PCDH15: variants seen among roughly 807,000 people sequenced by gnomAD.
PCDH15 encodes protocadherin-15.
PCDH15 carries 129 observed loss-of-function variants against 178.5 expected under a neutral mutation model. That is an observed-to-expected ratio of 0.72 (90% CI 0.63 to 0.84). PCDH15 has a LOEUF of 0.84. Ranked by LOEUF, PCDH15 falls within the 40% of genes least tolerant of loss-of-function variation. The probability of loss-of-function intolerance (pLI) is 0.00; values close to 1 mark genes in which losing one functional copy is unlikely to be tolerated. For missense variants in PCDH15, 2,230 were observed against 2,099.9 expected (o/e 1.06, Z -1.21); for synonymous variants, 800 against 732.0 (o/e 1.09, Z -1.50).
chr10:54,492,258 C>T (rs1217792491), intron 3 of PCDH15, among the ~76,000 whole-genome samples: 1 of 152,110 alleles, frequency 6.6e-6, no homozygotes, highest in East Asian at 1.9e-4. Flanking sequence ...ATACAAAGAC[C>T]TGTACCACTC....
At chr10:54,813,598 A>G (rs1409313494) in intron 3 of PCDH15, among the ~76,000 whole-genome samples, 1 of 152,126 alleles carries the variant, frequency 6.6e-6, no homozygotes, top group Non-Finnish European at 1.5e-5. Flanking sequence ...AATACAGTTA[A>G]TCATACCTCA....
chr10:55,093,242 T>C (rs1842359714), intron 2 of PCDH15, among the ~76,000 whole-genome samples: 1 of 152,132 alleles, frequency 6.6e-6, no homozygotes, highest in African/African-American at 2.4e-5. Context: ...GGGTATCATG[T>C]AATTTATGTG....
intron 3 of PCDH15, among the ~76,000 whole-genome samples, chr10:54,845,120 T>C (rs1255199485): frequency 6.6e-6 from 1 of 151,388 alleles, no homozygotes; most frequent in Non-Finnish European, 1.5e-5. Flanking sequence ...AAAGCCTTTT[T>C]TTCTTTTTTC....
chr10:55,308,524 T>C (rs1843490002), intron 1 of PCDH15, among the ~76,000 whole-genome samples: 3 of 152,222 alleles, frequency 2.0e-5, no homozygotes, highest in Admixed American at 1.3e-4. Flanking sequence ...AAGCACATTC[T>C]ATCTGAAATC....
intron 2 of PCDH15, among the ~76,000 whole-genome samples, chr10:55,612,025 G>A (rs1405163716): frequency 2.0e-5 from 3 of 151,932 alleles, no homozygotes; most frequent in African/African-American, 4.8e-5. Context: ...GGAGGAGGCG[G>A]GATAGACAGA....
At chr10:54,825,683 T>C (rs1953119717) in intron 3 of PCDH15, among the ~76,000 whole-genome samples, 2 of 152,050 alleles carry the variant, frequency 1.3e-5, no homozygotes, top group African/African-American at 4.8e-5. Context: ...TTTTGAGAAG[T>C]GTCTGTTCAT....
intron 3 of PCDH15, among the ~76,000 whole-genome samples, chr10:54,479,301 T>C (rs1262856791): frequency 4.6e-5 from 7 of 152,010 alleles, no homozygotes; most frequent in Non-Finnish European, 1.0e-4. Context: ...ATTTTATTAG[T>C]CCTTTAGTGA....
chr10:54,391,827 G>A (rs537720135), intron 3 of PCDH15, among the ~76,000 whole-genome samples: 7 of 152,222 alleles, frequency 4.6e-5, no homozygotes, highest in Non-Finnish European at 7.4e-5. Flanking sequence ...GATGTAAAAG[G>A]CAAACAGATG....
At chr10:54,631,849 TA>T (rs1437052392) in intron 2 of PCDH15, among the ~76,000 whole-genome samples, 1 of 152,032 alleles carries the variant, frequency 6.6e-6, no homozygotes, top group Admixed American at 6.6e-5. Context: ...CATACACTTA[TA>T]AAACCATCAG....
At chr10:53,823,549 A>AGTT (rs2076460120) in intron 32 of PCDH15, 2 of 712,154 alleles carry the variant, frequency 2.8e-6, no homozygotes. Flanking sequence ...AAAATCTTAG[A>AGTT]GTTGTGAGAA....
At chr10:55,461,774 A>G (rs1839684185) in intron 2 of PCDH15, among the ~76,000 whole-genome samples, 1 of 152,130 alleles carries the variant, frequency 6.6e-6, no homozygotes, top group Admixed American at 6.6e-5. Flanking sequence ...AATGGCTTCT[A>G]GGACTTATTT....
intron 1 of PCDH15, among the ~76,000 whole-genome samples, chr10:54,718,452 A>G (rs2095507477): frequency 6.6e-6 from 1 of 152,038 alleles, no homozygotes; most frequent in East Asian, 1.9e-4. Context: ...GCTATATGTA[A>G]CCAAAGAACT....
intron 2 of PCDH15, among the ~76,000 whole-genome samples, chr10:55,591,953 AGACATT>A (rs553784859): frequency 2.6e-5 from 4 of 152,160 alleles, no homozygotes; most frequent in Non-Finnish European, 5.9e-5. Flanking sequence ...TTGTTTTCAT[AGACATT>A]GAGTTCTATA....
At chr10:54,654,226 T>C (rs1418297375) in intron 2 of PCDH15, among the ~76,000 whole-genome samples, 1 of 152,222 alleles carries the variant, frequency 6.6e-6, no homozygotes, top group Non-Finnish European at 1.5e-5. Flanking sequence ...TAGAGAAAGC[T>C]GACAGTTACA....
chr10:54,309,351 ACAC>A (rs1462716007), intron 8 of PCDH15, among the ~76,000 whole-genome samples: 3 of 150,036 alleles, frequency 2.0e-5, no homozygotes, highest in Non-Finnish European at 4.4e-5. Context: ...ACACACACAC[ACAC>A]ACTTCACATA....
chr10:54,011,737 T>A (rs961764838), intron 20 of PCDH15, among the ~76,000 whole-genome samples: 2 of 152,170 alleles, frequency 1.3e-5, no homozygotes, highest in Non-Finnish European at 2.9e-5. Context: ...CAGTTACAAA[T>A]AAAGGTCATG....
chr10:54,719,545 T>A (rs2095520172), intron 1 of PCDH15, among the ~76,000 whole-genome samples: 1 of 152,036 alleles, frequency 6.6e-6, no homozygotes, highest in Non-Finnish European at 1.5e-5. Context: ...AGTTCTGGGA[T>A]ACGAGTGCAG....
intron 20 of PCDH15, among the ~76,000 whole-genome samples, chr10:54,013,267 C>T (rs564449945): frequency 6.6e-6 from 1 of 152,250 alleles, no homozygotes; most frequent in African/African-American, 2.4e-5. Context: ...AAAGCAAGTT[C>T]TTACAGACCT....
chr10:55,116,709 A>G (rs1837636347), intron 2 of PCDH15, among the ~76,000 whole-genome samples: 3 of 152,240 alleles, frequency 2.0e-5, no homozygotes, highest in South Asian at 4.1e-4. Context: ...AGGACATGCT[A>G]CCCCAAAATA....
Sources: allele counts gnomAD v4.1 joint callset (sites outside exome capture counted in the v4.1 genomes callset), GRCh38; gene constraint gnomAD v4.1.1; transcripts MANE v1.5; gene names NCBI Gene and HGNC (gene_info 2026-07-23, HGNC 2026-07-21).